The following JAG1 variants were observed in gnomAD, a reference collection of about 807,000 sequenced individuals.
JAG1 encodes the protein protein jagged-1.
JAG1 carries 23 observed loss-of-function variants against 148.7 expected under a neutral mutation model. The ratio of observed to expected loss-of-function variants is 0.15; its 90% CI spans 0.11 to 0.22. The LOEUF (loss-of-function observed/expected upper bound fraction) is 0.22, where lower values mean the gene tolerates loss of function less well. Among genes scored for constraint, JAG1 ranks in the 10% least tolerant of loss-of-function variants. JAG1 has a pLI of 1.00. For missense variants in JAG1, 1,054 were observed against 1,611.2 expected (o/e 0.65, Z 5.92); for synonymous variants, 572 against 598.3 (o/e 0.96, Z 0.64).
At chr20:10,653,089 G>C (rs542674967) in intron 5 of JAG1, among the ~76,000 whole-genome samples, 15 of 151,804 alleles carry the variant, frequency 9.9e-5, no homozygotes, top group African/African-American at 3.6e-4. Context: ...ACTGCCTCAC[G>C]ATGACGCTTT....
chr20:10,673,386 G>T lies in JAG1; in HGVS notation c.81+64C>A, dbSNP rs542922545. ...CCGAGCCTGCTCGCGGGGCTCAACC[G>T]CCCAGGGCGCCGCGAGGGGAGGGAG... On this transcript the variant is annotated intron_variant, in intron 1 of 25. Coordinates refer to ENST00000254958, the MANE Select transcript of JAG1 (RefSeq NM_000214.3). This position sits in a 1 kb window ranked among gnomAD's most constrained non-coding sequence, Gnocchi z 4.7. The T allele has an allele frequency of 8.1e-7, 1 of 1,231,192 alleles. No individual in the cohort carries two copies. The highest frequency in any genetic ancestry group is 1.1e-6 in the Non-Finnish European group (1 of 911,460). The allele number at this position is 1,231,192 out of a possible 1,614,324, so 76.3% of individuals were successfully genotyped here. A position where few individuals can be genotyped will look rare whatever the true frequency, so the allele number is the denominator to read the frequency against.
chr20:10,666,750 C>A (rs1156807942), intron 2 of JAG1, among the ~76,000 whole-genome samples: 1 of 152,186 alleles, frequency 6.6e-6, no homozygotes, highest in Non-Finnish European at 1.5e-5. Flanking sequence ...AATCTGGAAA[C>A]CTGGCAGCTG....
intron 12 of JAG1, 47 bp downstream of exon 12, chr20:10,648,502 G>C: frequency 6.6e-7 from 1 of 1,521,246 alleles, no homozygotes; most frequent in South Asian, 1.1e-5. Flanking sequence ...AGGAGGCAGC[G>C]GCTCTGCTCT....
chr20:10,647,550 T>TA (rs1429243487), intron 13 of JAG1, among the ~76,000 whole-genome samples: 8 of 152,174 alleles, frequency 5.3e-5, no homozygotes, highest in Non-Finnish European at 1.0e-4. Flanking sequence ...TAAAATGAAA[T>TA]AAAATCAGTT....
chr20:10,651,483 C>T (rs974078144), intron 8 of JAG1, 98 bp downstream of exon 8: 51 of 778,222 alleles, frequency 6.6e-5, no homozygotes, highest in South Asian at 6.0e-4. Context: ...CCTCTCTCAC[C>T]GAGACATTCA....
intron 13 of JAG1, among the ~76,000 whole-genome samples, chr20:10,647,545 T>C (rs1265322234): frequency 6.6e-6 from 1 of 152,206 alleles, no homozygotes. Context: ...TGAACTAAAA[T>C]GAAATAAAAT....
At position 10,648,194 on chromosome 20, in the gene JAG1, C is replaced by G. The variant is rs2067322456; in HGVS notation, c.1570-84G>C. On this transcript the variant is annotated intron_variant, in intron 12 of 25. Transcript: ENST00000254958. ...GATAACTTCTCTGGGGCAGCAGGCA[C>G]TGGAATCTGACAGTTCCTTCGGTTT... is the stretch of plus-strand genomic sequence containing the variant. 10 of 1,519,948 alleles carry G rather than the reference C, an allele frequency of 6.6e-6. No individual in the cohort carries two copies. The Admixed American group carries it at 1.7e-4, about 26-fold the overall frequency. The allele number at this position is 1,519,948 out of a possible 1,614,324, so 94.2% of individuals were successfully genotyped here.
In JAG1 at chr20:10,673,020, A is replaced by T. The variant is rs777763151; in HGVS notation, c.82-14T>A. On this transcript the variant is annotated splice_polypyrimidine_tract_variant and intron_variant, in intron 1 of 25. Transcript: ENST00000254958. The surrounding 1 kb of genome is among the most constrained non-coding windows in gnomAD (Gnocchi z 4.7). ...GGCCCCACACACCTGCCGGCGAGGG[A>T]AGGAGGTAGGTCAGCGCGGGAGAAA... 1.9e-6 allele frequency: 3 copies of T among 1,604,246 alleles called. No individual in the cohort carries two copies. The highest frequency in any genetic ancestry group is 2.5e-6 in the Non-Finnish European group (3 of 1,179,816).
At chr20:10,670,472 T>C (rs2067487843) in intron 2 of JAG1, among the ~76,000 whole-genome samples, 1 of 152,250 alleles carries the variant, frequency 6.6e-6, no homozygotes, top group Admixed American at 6.5e-5. Flanking sequence ...ACATAGTTAA[T>C]TGCCAAACTA....
chr20:10,651,973 C>T (rs2067349685), intron 7 of JAG1, among the ~76,000 whole-genome samples, 158 bp downstream of exon 7: 1 of 152,174 alleles, frequency 6.6e-6, no homozygotes, highest in Non-Finnish European at 1.5e-5. Context: ...ACTTTAGAGA[C>T]TTGAAAGTTA....
chr20:10,658,363 T>C, intron 4 of JAG1, 105 bp downstream of exon 4: 1 of 1,485,176 alleles, frequency 6.7e-7, no homozygotes, highest in Non-Finnish European at 9.3e-7. Flanking sequence ...ACAGCCAAAA[T>C]CCCACCCCAC....
intron 3 of JAG1, among the ~76,000 whole-genome samples, chr20:10,659,528 T>C (rs2067400533): frequency 6.7e-6 from 1 of 149,968 alleles, no homozygotes; most frequent in African/African-American, 2.5e-5. Flanking sequence ...TTCAAAACTC[T>C]TAACTGGAAG....
At position 10,645,384 on chromosome 20, in the gene JAG1, A is replaced by G. The variant is rs749741770; in HGVS notation, c.2085T>C (p.Asn695=). 6.2e-7 allele frequency: 1 copy of G among 1,611,986 alleles called. No homozygotes were observed. Among genetic ancestry groups the G allele is most frequent in the Non-Finnish European group, 8.5e-7 (1 of 1,179,602 alleles). The change falls in exon 16 of 26, where the codon AAT becomes AAC. Residue 695 remains asparagine, a synonymous_variant. Coordinates refer to ENST00000254958, the MANE Select transcript of JAG1 (RefSeq NM_000214.3). The surrounding 1 kb of genome is among the most constrained non-coding windows in gnomAD (Gnocchi z 6.1). ...AGTGGCAGGTCTTTCCTTTCCACCC[A>G]TTTTTACAGTCACAGTAGAAGTCAT... is the stretch of plus-strand genomic sequence containing the variant. ...LVNDFYCDCK[N]GWKGKTCHSR...
intron 19 of JAG1, 101 bp from the exon 20 acceptor site, chr20:10,643,964 A>C: frequency 1.1e-6 from 1 of 883,862 alleles, no homozygotes; most frequent in Non-Finnish European, 1.9e-6. Context: ...AGTGGCTCTC[A>C]CCCCATGGCC....
At position 10,647,020 on chromosome 20, in the gene JAG1, G is replaced by A; in HGVS notation, c.1804C>T (p.His602Tyr). 3 of 1,614,194 alleles carry A rather than the reference G, an allele frequency of 1.9e-6. No homozygotes were observed. Among genetic ancestry groups the A allele is most frequent in the Non-Finnish European group, 2.5e-6 (3 of 1,180,028 alleles). Residue 602 changes from histidine to tyrosine, a missense_variant, in exon 14 of 26, where the codon CAC becomes TAC. This residue lies in a region of JAG1 where 245 missense variants were observed against 373.1 expected (regional missense o/e 0.66). Transcript: ENST00000254958. ...RYISSNVCGP[H>Y]GKCKSQSGGK... ...CCCGACTGACTCTTGCACTTCCCGT[G>A]AGGACCACAGACGTTGGAGGAAATA...
intron 11 of JAG1, 131 bp downstream of exon 11, chr20:10,648,930 G>A (rs774378311): frequency 6.8e-5 from 64 of 934,668 alleles, no homozygotes; most frequent in African/African-American, 9.9e-5. Flanking sequence ...AAGCCCTAGC[G>A]AAACTTCCAA....
chr20:10,667,063 A>C (rs906789160), intron 2 of JAG1, among the ~76,000 whole-genome samples: 4 of 152,212 alleles, frequency 2.6e-5, no homozygotes, highest in African/African-American at 7.2e-5. Context: ...AACAAAGGTA[A>C]TTGTGTTGGC....
intron 2 of JAG1, among the ~76,000 whole-genome samples, chr20:10,668,009 T>C (rs1158096540): frequency 1.3e-5 from 2 of 151,066 alleles, no homozygotes; most frequent in Non-Finnish European, 2.9e-5. Flanking sequence ...ACTATTTATG[T>C]ACTCCTTTAA....
chr20:10,640,353 C>G (rs2067261887), intron 25 of JAG1, among the ~76,000 whole-genome samples: 2 of 152,240 alleles, frequency 1.3e-5, no homozygotes, highest in South Asian at 4.2e-4. Context: ...CCAATCTCTC[C>G]CTTGGCTGAA....
Sources: allele counts gnomAD v4.1 joint callset (sites outside exome capture counted in the v4.1 genomes callset), GRCh38; gene constraint gnomAD v4.1.1; regional missense constraint gnomAD v4.1.1; non-coding constraint Gnocchi (gnomAD v3.1); transcripts MANE v1.5; gene names NCBI Gene and HGNC (gene_info 2026-07-23, HGNC 2026-07-21).